Variants in LCP2 observed in about 807,000 individuals in gnomAD.
The protein encoded by LCP2 is 76 kDa tyrosine phosphoprotein.
A neutral mutation model predicts 74.5 loss-of-function variants in LCP2; 29 were observed. The ratio of observed to expected loss-of-function variants is 0.39; its 90% confidence interval spans 0.29 to 0.53. The LOEUF is 0.53. Among genes scored for constraint, LCP2 ranks in the 20% least tolerant of loss-of-function variants. The pLI is 0.72. For missense variants in LCP2, 604 were observed against 634.6 expected (o/e 0.95, Z 0.52); for synonymous variants, 228 against 229.5 (o/e 0.99, Z 0.06).
Position 170,252,441 on chromosome 5 carries a change from A to T in LCP2, c.1316T>A (p.Ile439Lys). 6.4e-7 allele frequency: 1 copy of T among 1,556,728 alleles called. No homozygotes were observed. The highest frequency in any genetic ancestry group is 1.1e-5 in the South Asian group (1 of 88,008). The change falls in exon 19 of 21, where the codon ATA (isoleucine) becomes AAA (lysine). Residue 439 changes from isoleucine (I) to lysine (K), a missense_variant. Transcript: ENST00000046794. ...RPEAEAALRKINQDGTFLVRD... is the reference protein window; with the variant it reads ...RPEAEAALRKKNQDGTFLVRD... ...TAAACTATAGCACAATACCTGGTTT[A>T]TCTTTCTAAGAGCAGCTTCTGCCTC... is the stretch of plus-strand genomic sequence containing the variant.
intron 2 of LCP2, among the ~76,000 whole-genome samples, chr5:170,289,671 TTCTCTCTCTCTC>T (rs1362284640): frequency 7.1e-5 from 6 of 84,042 alleles, no homozygotes; most frequent in South Asian, 3.9e-4. Context: ...CTTTCTTTCT[TTCTCTCTCTCTC>T]TCTTTCTTTC....
rs761706242 is a variant in LCP2, at chr5:170,253,143, C to T, written c.1221G>A (p.Arg407=). Residue 407 remains arginine (R), a synonymous_variant, in exon 18 of 21, where the codon CGG becomes CGA. Transcript: ENST00000046794. ...NFPLPLPNKP[R]PPSPAEEENS... ...CCTCTTCCTCCGCGGGGGATGGGGGCCGAGGTTTGTTTGGAAGTGGCAAGG... is the reference window on the plus strand; with the variant it reads ...CCTCTTCCTCCGCGGGGGATGGGGGTCGAGGTTTGTTTGGAAGTGGCAAGG... 1.9e-6 allele frequency: 3 copies of T among 1,611,372 alleles called. No homozygotes were observed. Among genetic ancestry groups the T allele is most frequent in the Non-Finnish European group, 1.7e-6 (2 of 1,178,678 alleles).
At chr5:170,281,853 C>G (rs1261205887) in intron 3 of LCP2, among the ~76,000 whole-genome samples, 2 of 152,236 alleles carry the variant, frequency 1.3e-5, no homozygotes, top group East Asian at 3.8e-4. Context: ...GCTGCCTGCA[C>G]CACCCACCCC....
intron 13 of LCP2, among the ~76,000 whole-genome samples, chr5:170,262,336 A>G (rs927722331): frequency 6.6e-6 from 1 of 152,226 alleles, no homozygotes; most frequent in African/African-American, 2.4e-5. Context: ...AGGCTTTGCT[A>G]TAACGAGGTT....
intron 12 of LCP2, 49 bp downstream of exon 12, chr5:170,262,793 A>G (rs1402943305): frequency 1.5e-5 from 25 of 1,613,740 alleles, no homozygotes; most frequent in Non-Finnish European, 1.9e-5. Flanking sequence ...GCCGAGGCAG[A>G]GTTCTACAGA....
intron 2 of LCP2, among the ~76,000 whole-genome samples, chr5:170,289,777 G>T (rs1581076512): frequency 1.7e-5 from 2 of 118,738 alleles, no homozygotes; most frequent in African/African-American, 3.4e-5. Context: ...TTTCATCACT[G>T]AGCAGCATCT....
intron 2 of LCP2, among the ~76,000 whole-genome samples, chr5:170,290,353 C>T (rs1394602513): frequency 6.6e-6 from 1 of 152,138 alleles, no homozygotes; most frequent in African/African-American, 2.4e-5. Flanking sequence ...ACTGACAGGT[C>T]CTGGGTTTCA....
chr5:170,253,061 G>C, intron 18 of LCP2, 58 bp downstream of exon 18: 1 of 1,057,774 alleles, frequency 9.5e-7, no homozygotes, highest in Admixed American at 2.0e-5. Context: ...GGGAGTTTCT[G>C]GTGATTCTTT....
Position 170,266,734 on chromosome 5 carries a change from T to G in LCP2, c.772+74A>C, listed in dbSNP as rs573614900. 16 of 1,223,784 alleles carry G rather than the reference T, an allele frequency of 1.3e-5. No homozygotes were observed. In the East Asian group the frequency reaches 3.3e-4, roughly 25 times the overall value. The allele number at this position is 1,223,784 out of a possible 1,614,324, so 75.8% of individuals were successfully genotyped here. A position where few individuals can be genotyped will look rare whatever the true frequency, so the allele number is the denominator to read the frequency against. The stretch of plus-strand genomic sequence containing the variant: ...GGCCATAGTTAAATGAGATGGTACA[T>G]GTGAAACGTATGCAGGAAGCACTTT... On this transcript the variant is annotated intron_variant, in intron 10 of 20. Transcript: ENST00000046794.
intron 2 of LCP2, among the ~76,000 whole-genome samples, chr5:170,292,152 C>G (rs1386761260): frequency 6.6e-6 from 1 of 152,146 alleles, no homozygotes; most frequent in Non-Finnish European, 1.5e-5. Context: ...CTATCCCCAC[C>G]ACCTATAATG....
At chr5:170,255,145 AT>A (rs973016633) in intron 17 of LCP2, among the ~76,000 whole-genome samples, 1 of 152,208 alleles carries the variant, frequency 6.6e-6, no homozygotes, top group Non-Finnish European at 1.5e-5. Flanking sequence ...AACACAGAGA[AT>A]TTTGGGGATT....
At chr5:170,288,059 A>C (rs777902977) in intron 2 of LCP2, 43 bp from the exon 3 acceptor site, 4 of 1,589,508 alleles carry the variant, frequency 2.5e-6, no homozygotes, top group Non-Finnish European at 3.5e-6. Context: ...CAACCCACAG[A>C]AAGGGCTCTG....
chr5:170,266,935 T>C, intron 9 of LCP2, 44 bp from the exon 10 acceptor site: 1 of 1,584,194 alleles, frequency 6.3e-7, no homozygotes, highest in South Asian at 1.1e-5. Flanking sequence ...AAGAAAGCAG[T>C]CGGCTGGGGG....
At chr5:170,293,509 A>AGGGAGGG in intron 1 of LCP2, 137 bp from the exon 2 acceptor site, 1 of 773,406 alleles carries the variant, frequency 1.3e-6, no homozygotes, top group Non-Finnish European at 2.2e-6. Flanking sequence ...CCCTTGGCTA[A>AGGGAGGG]CAGAGGGCCC....
At chr5:170,275,443 A>G (rs554928439) in intron 4 of LCP2, 92 bp from the exon 5 acceptor site, 1 of 1,390,752 alleles carries the variant, frequency 7.2e-7, no homozygotes, top group East Asian at 2.3e-5. Flanking sequence ...GGGAGTCCCC[A>G]GTGGAGGGCA....
At chr5:170,265,702 C>T (rs1455397777) in intron 10 of LCP2, among the ~76,000 whole-genome samples, 1 of 152,254 alleles carries the variant, frequency 6.6e-6, no homozygotes, top group East Asian at 1.9e-4. Context: ...GAAAGAGCAG[C>T]GAGCAGCAGC....
At position 170,275,386 on chromosome 5, in the gene LCP2, C is replaced by A. The variant is rs2271146; in HGVS notation, c.255-35G>T. 790,645 of 1,610,858 alleles carry A rather than the reference C, an allele frequency of 0.49. 202,715 individuals carry two copies. Among genetic ancestry groups the A allele is most frequent in the Middle Eastern group, 0.63 (3,758 of 6,006 alleles). The stretch of plus-strand genomic sequence containing the variant: ...TAAATAGCACTGCATTAATGGTCTT[C>A]TCGATTTAAGGGGATCTCCCTCTTT... On this transcript the variant is annotated intron_variant, in intron 4 of 20. Coordinates refer to ENST00000046794, the MANE Select transcript of LCP2 (RefSeq NM_005565.5).
intron 3 of LCP2, among the ~76,000 whole-genome samples, chr5:170,285,300 A>G (rs746739692): frequency 1.3e-5 from 2 of 152,020 alleles, no homozygotes; most frequent in African/African-American, 4.8e-5. Context: ...TACACTCAAC[A>G]TTCTCCTTGT....
chr5:170,258,715 A>G (rs2113160591), intron 15 of LCP2, 151 bp downstream of exon 15: 1 of 544,770 alleles, frequency 1.8e-6, no homozygotes, highest in Non-Finnish European at 3.3e-6. Flanking sequence ...ATAGTTATGC[A>G]GTATGCCAAT....
Sources: allele counts gnomAD v4.1 joint callset (sites outside exome capture counted in the v4.1 genomes callset), GRCh38; gene constraint gnomAD v4.1.1; transcripts MANE v1.5; gene names NCBI Gene and HGNC (gene_info 2026-07-23, HGNC 2026-07-21).